The following CCDC102B variants were observed in gnomAD, a reference collection of about 807,000 sequenced individuals.
CCDC102B encodes the protein coiled-coil domain-containing protein 102B.
In CCDC102B, 75 loss-of-function variants were observed where a neutral mutation model predicts 57.4. The ratio of observed to expected loss-of-function variants is 1.31; its 90% CI spans 1.08 to 1.58. CCDC102B has a LOEUF of 1.58. CCDC102B is among the 40% of genes most tolerant of loss of function. The pLI is 0.00. For synonymous variants in CCDC102B, 206 were observed against 201.9 expected (o/e 1.02, Z -0.17); for missense variants, 636 against 582.6 (o/e 1.09, Z -0.94).
chr18:68,956,484 A>ATATTTT (rs1568352534), intron 6 of CCDC102B, among the ~76,000 whole-genome samples: 4 of 47,042 alleles, frequency 8.5e-5, no homozygotes, highest in Non-Finnish European at 1.2e-4. Flanking sequence ...ATATATATAT[A>ATATTTT]ATATATATAT....
In CCDC102B at chr18:68,726,861, A is replaced by G. The variant is rs1159562717; in HGVS notation, c.-67+10267A>G. Among the ~76,000 whole-genome samples the G allele has an allele frequency of 5.9e-5, 9 of 152,200 alleles. No individual in the cohort carries two copies. In the East Asian group the frequency reaches 1.3e-3, roughly 23 times the overall value. On this transcript the variant is annotated intron_variant, in intron 2 of 3. Coordinates refer to the CCDC102B transcript ENST00000578970. ...TGAATCTGATTGGGGATCTGATTGC[A>G]GATGGTTCATGAACCCTAAACAAAT...
chr18:68,935,427 G>A (rs2049206455), intron 6 of CCDC102B, among the ~76,000 whole-genome samples: 1 of 151,892 alleles, frequency 6.6e-6, no homozygotes, highest in Non-Finnish European at 1.5e-5. Flanking sequence ...TTGGAGAGAG[G>A]ATTAAGAGGT....
chr18:68,884,346 G>T (rs1309364741), intron 5 of CCDC102B, among the ~76,000 whole-genome samples: 1 of 151,910 alleles, frequency 6.6e-6, no homozygotes, highest in Non-Finnish European at 1.5e-5. Context: ...ATAAAGAATG[G>T]GATTATGTAT....
intron 7 of CCDC102B, among the ~76,000 whole-genome samples, chr18:69,033,429 A>G (rs1568138295): frequency 1.3e-5 from 2 of 152,114 alleles, no homozygotes; most frequent in Admixed American, 6.6e-5. Context: ...GCCTCTGCAC[A>G]TTAGCAGCCA....
At chr18:68,717,831 T>G (rs1466445074) in intron 2 of CCDC102B, among the ~76,000 whole-genome samples, 1 of 152,222 alleles carries the variant, frequency 6.6e-6, no homozygotes, top group Non-Finnish European at 1.5e-5. Context: ...GTAGTCTAAA[T>G]GTGTAACCCA....
chr18:68,955,989 A>G (rs2049834600), intron 6 of CCDC102B, among the ~76,000 whole-genome samples: 1 of 151,946 alleles, frequency 6.6e-6, no homozygotes, highest in Non-Finnish European at 1.5e-5. Flanking sequence ...CTTTTGTGCT[A>G]TCAAATACTA....
At chr18:68,737,823 A>G (rs1039986376) in intron 2 of CCDC102B, among the ~76,000 whole-genome samples, 2 of 152,022 alleles carry the variant, frequency 1.3e-5, no homozygotes, top group African/African-American at 4.8e-5. Context: ...GAGCAGTAAT[A>G]ACTTTAAGTT....
At chr18:68,803,522 G>A (rs913313286) in intron 1 of CCDC102B, among the ~76,000 whole-genome samples, 2 of 152,196 alleles carry the variant, frequency 1.3e-5, no homozygotes, top group African/African-American at 4.8e-5. Context: ...AATCTTGGCA[G>A]AAGAGAAGTA....
chr18:69,048,021 A>G (rs2052609784), intron 7 of CCDC102B, among the ~76,000 whole-genome samples: 1 of 152,154 alleles, frequency 6.6e-6, no homozygotes, highest in Non-Finnish European at 1.5e-5. Context: ...TAAATATCTA[A>G]TAATACCTGT....
intron 4 of CCDC102B, among the ~76,000 whole-genome samples, chr18:68,865,632 G>A (rs1355012584): frequency 1.3e-5 from 2 of 152,032 alleles, no homozygotes; most frequent in African/African-American, 4.8e-5. Context: ...TCAAATGAAG[G>A]GCATACTCGT....
At chr18:68,738,994 T>TTA (rs2033267564) in intron 2 of CCDC102B, among the ~76,000 whole-genome samples, 3 of 124,986 alleles carry the variant, frequency 2.4e-5, no homozygotes, top group Admixed American at 8.2e-5. Flanking sequence ...ATGAGCAGCC[T>TTA]TTTGTTTTTT....
At chr18:69,017,854 A>G (rs1397154207) in intron 7 of CCDC102B, among the ~76,000 whole-genome samples, 3 of 152,036 alleles carry the variant, frequency 2.0e-5, no homozygotes, top group East Asian at 3.9e-4. Context: ...TAAATTTGAC[A>G]TTTTCAGATT....
intron 6 of CCDC102B, among the ~76,000 whole-genome samples, chr18:68,960,710 C>G (rs2050024464): frequency 6.6e-6 from 1 of 152,210 alleles, no homozygotes; most frequent in Admixed American, 6.5e-5. Flanking sequence ...ACAAACGCCT[C>G]TGCCTTGGGC....
At chr18:68,937,783 G>A (rs1374005762) in intron 6 of CCDC102B, among the ~76,000 whole-genome samples, 1 of 150,716 alleles carries the variant, frequency 6.6e-6, no homozygotes, top group Non-Finnish European at 1.5e-5. Flanking sequence ...GACAGGCCCA[G>A]GTATGTGATA....
At chr18:69,021,131 A>T (rs1198227206) in intron 7 of CCDC102B, among the ~76,000 whole-genome samples, 2 of 152,218 alleles carry the variant, frequency 1.3e-5, no homozygotes, top group East Asian at 3.8e-4. Flanking sequence ...GCAATGATGA[A>T]TGTGAGAGAC....
intron 6 of CCDC102B, among the ~76,000 whole-genome samples, chr18:68,998,066 G>A (rs80322689): frequency 0.035 from 5,324 of 151,800 alleles, 152 homozygotes; most frequent in Non-Finnish European, 0.054. Context: ...GTATTCCCAC[G>A]GTTTCACTTG....
intron 2 of CCDC102B, among the ~76,000 whole-genome samples, chr18:68,765,378 A>G (rs970973876): frequency 4.6e-4 from 61 of 132,578 alleles, no homozygotes; most frequent in African/African-American, 1.6e-3. Flanking sequence ...AGAAAGAAAG[A>G]AAAGAAAGAA....
At chr18:68,733,264 T>G (rs1365286488) in intron 2 of CCDC102B, among the ~76,000 whole-genome samples, 1 of 152,064 alleles carries the variant, frequency 6.6e-6, no homozygotes, top group Non-Finnish European at 1.5e-5. Context: ...TAAAAACTAC[T>G]GTTGTTTACT....
At chr18:68,892,191 GC>G (rs2040103648) in intron 5 of CCDC102B, among the ~76,000 whole-genome samples, 2 of 152,056 alleles carry the variant, frequency 1.3e-5, no homozygotes, top group African/African-American at 4.8e-5. Context: ...CTAAATGACA[GC>G]CCTGCTTTCC....
Sources: gnomAD v4.1 joint callset for allele counts (sites outside exome capture counted in the v4.1 genomes callset) on GRCh38, gnomAD v4.1.1 for gene constraint, MANE v1.5 for transcripts, NCBI Gene and HGNC (gene_info 2026-07-23, HGNC 2026-07-21) for gene names.